Variants in USP22 observed in about 807,000 individuals in gnomAD.
USP22 encodes the protein ubiquitin specific peptidase 22, also known as ubiquitin carboxyl-terminal hydrolase 22.
USP22 carries 22 observed loss-of-function variants against 68.1 expected under a neutral mutation model. The ratio of observed to expected loss-of-function variants is 0.32; its 90% CI spans 0.23 to 0.46. The LOEUF (loss-of-function observed/expected upper bound fraction) is 0.46. Ranked by LOEUF, USP22 falls within the 20% of genes least tolerant of loss-of-function variation. The pLI is 1.00. For synonymous variants in USP22, 279 were observed against 274.2 expected (o/e 1.02, Z -0.17); for missense variants, 433 against 695.8 (o/e 0.62, Z 4.25).
At chr17:21,019,607 G>T (rs2364330) in intron 3 of USP22, among the ~76,000 whole-genome samples, 1 of 151,654 alleles carries the variant, frequency 6.6e-6, no homozygotes, top group Non-Finnish European at 1.5e-5. Context: ...CATAAACTCA[G>T]CGTCGAGTTA....
intron 8 of USP22, among the ~76,000 whole-genome samples, chr17:21,008,658 T>C (rs1241922399): frequency 6.6e-6 from 1 of 152,136 alleles, no homozygotes; most frequent in Non-Finnish European, 1.5e-5. Flanking sequence ...TCCGCATGAA[T>C]GTCTGAATCC....
chr17:21,042,458 G>A (rs1178324408), intron 1 of USP22, among the ~76,000 whole-genome samples: 8 of 144,180 alleles, frequency 5.5e-5, no homozygotes, highest in South Asian at 2.3e-4. Context: ...AGGAAGATGA[G>A]GAGATAAGGG....
intron 1 of USP22, among the ~76,000 whole-genome samples, chr17:21,039,251 G>A (rs1231139991): frequency 1.3e-5 from 2 of 150,952 alleles, no homozygotes; most frequent in Non-Finnish European, 3.0e-5. Flanking sequence ...ATGCCCGGCA[G>A]AAATATTTTT....
intron 1 of USP22, among the ~76,000 whole-genome samples, chr17:21,028,981 G>A (rs1972256501): frequency 2.9e-5 from 2 of 68,636 alleles, no homozygotes; most frequent in Admixed American, 3.0e-4. Flanking sequence ...CCCAAGCCCA[G>A]CTCCCATCCC....
intron 10 of USP22, among the ~76,000 whole-genome samples, chr17:21,005,595 G>A (rs1913752868): frequency 6.6e-6 from 1 of 152,126 alleles, no homozygotes; most frequent in Non-Finnish European, 1.5e-5. Flanking sequence ...TGACCATCGT[G>A]GTCAGACTGA....
chr17:21,032,922 CAAA>C (rs753804890), intron 1 of USP22, among the ~76,000 whole-genome samples: 24 of 91,558 alleles, frequency 2.6e-4, no homozygotes, highest in African/African-American at 1.3e-3. Context: ...GACCCTGTCT[CAAA>C]AAAAAAAAAA....
intron 7 of USP22, among the ~76,000 whole-genome samples, chr17:21,011,825 G>C (rs978466837): frequency 6.6e-6 from 1 of 152,180 alleles, no homozygotes; most frequent in African/African-American, 2.4e-5. Flanking sequence ...AAAACTTGCA[G>C]ACTGGGAAAT....
chr17:21,025,741 C>T (rs944489483), intron 2 of USP22, among the ~76,000 whole-genome samples: 2 of 152,094 alleles, frequency 1.3e-5, no homozygotes, highest in Non-Finnish European at 2.9e-5. Flanking sequence ...AAGCCAGACA[C>T]GAAGGGCCAC....
intron 2 of USP22, among the ~76,000 whole-genome samples, chr17:21,026,348 T>C (rs1480720986): frequency 2.6e-5 from 4 of 152,178 alleles, no homozygotes; most frequent in Admixed American, 2.6e-4. Context: ...CTTTATTTTT[T>C]TGAGTCTTGC....
intron 1 of USP22, chr17:21,042,136 T>C (rs1972441684): frequency 6.6e-6 from 1 of 152,406 alleles, no homozygotes; most frequent in African/African-American, 2.4e-5. Flanking sequence ...CCCCATCCTT[T>C]ACTCATTTTT....
Position 21,031,152 on chromosome 17 carries a change from T to C in USP22, c.172-2478A>G, listed in dbSNP as rs147143638. 3.4e-4 allele frequency among the ~76,000 whole-genome samples: 52 copies of C among 152,340 alleles called. 2 individuals are homozygous for C. Among genetic ancestry groups the C allele is most frequent in the African/African-American group, 1.2e-3 (50 of 41,566 alleles). The stretch of plus-strand genomic sequence containing the variant: ...AAATGGATAGAAGACAACTATTAAA[T>C]TGAACACATGTACCCTACAGCCTAA... On this transcript the variant is annotated intron_variant, in intron 1 of 12. Coordinates refer to ENST00000261497, the MANE Select transcript of USP22 (RefSeq NM_015276.2).
intron 1 of USP22, among the ~76,000 whole-genome samples, chr17:21,030,210 T>C (rs1233405594): frequency 6.6e-6 from 1 of 152,174 alleles, no homozygotes; most frequent in Non-Finnish European, 1.5e-5. Flanking sequence ...TAATACAAAG[T>C]AGATGCTATG....
chr17:21,003,680 T>C (rs191511941), intron 12 of USP22, among the ~76,000 whole-genome samples: 60 of 152,120 alleles, frequency 3.9e-4, no homozygotes, highest in Non-Finnish European at 6.8e-4. Context: ...GGCAGGAGGA[T>C]TGCCTGAAGT....
chr17:21,005,618 C>T (rs1913753900), intron 10 of USP22, among the ~76,000 whole-genome samples: 1 of 152,192 alleles, frequency 6.6e-6, no homozygotes, highest in African/African-American at 2.4e-5. Flanking sequence ...ATATGGAGCT[C>T]TGACTCTGGT....
chr17:21,039,478 C>A (rs549517261), intron 1 of USP22, among the ~76,000 whole-genome samples: 1 of 152,006 alleles, frequency 6.6e-6, no homozygotes, highest in South Asian at 2.1e-4. Flanking sequence ...TTGGGAGAAT[C>A]ACTTAAACCC....
At chr17:21,014,101 G>A (rs1192237924) in intron 6 of USP22, among the ~76,000 whole-genome samples, 1 of 152,092 alleles carries the variant, frequency 6.6e-6, no homozygotes, top group African/African-American at 2.4e-5. Context: ...AACAAAAGAT[G>A]AACAGAAAGA....
chr17:21,012,046 T>C (rs1913988005), intron 7 of USP22, among the ~76,000 whole-genome samples: 1 of 152,186 alleles, frequency 6.6e-6, no homozygotes, highest in South Asian at 2.1e-4. Context: ...TTGCTCGTCT[T>C]ATGCAGTTTA....
At chr17:21,009,075 G>A (rs1210279531) in intron 8 of USP22, among the ~76,000 whole-genome samples, 1 of 104,674 alleles carries the variant, frequency 9.6e-6, no homozygotes, top group African/African-American at 3.8e-5. Flanking sequence ...TGGGCAACAA[G>A]AGCAAGACTC....
intron 1 of USP22, among the ~76,000 whole-genome samples, chr17:21,034,524 T>TA (rs1334030328): frequency 3.3e-5 from 5 of 152,188 alleles, no homozygotes; most frequent in African/African-American, 9.7e-5. Context: ...AAACAATTCA[T>TA]AAGCTTTAAA....
Sources: allele counts gnomAD v4.1 joint callset (sites outside exome capture counted in the v4.1 genomes callset), GRCh38; gene constraint gnomAD v4.1.1; transcripts MANE v1.5; gene names NCBI Gene and HGNC (gene_info 2026-07-23, HGNC 2026-07-21).